Variants in P2RY6 observed in about 807,000 individuals in gnomAD.
The protein encoded by P2RY6 is P2Y purinoceptor 6.
P2RY6 carries 19 observed loss-of-function variants against 16.3 expected under a neutral mutation model. That is an observed-to-expected ratio of 1.16 (90% CI 0.81 to 1.71). The LOEUF (loss-of-function observed/expected upper bound fraction) is 1.71. Ranked by LOEUF, P2RY6 falls within the 40% of genes most tolerant of loss-of-function variation. P2RY6 has a pLI of 0.00. For synonymous variants in P2RY6, 184 were observed against 201.5 expected, an observed-to-expected ratio of 0.91 and a Z score of 0.74; for missense variants, 389 against 455.5, an observed-to-expected ratio of 0.85 and a Z score of 1.33.
In P2RY6 at chr11:73,297,027, T is replaced by C; in HGVS notation, c.509T>C (p.Ile170Thr). The C allele has an allele frequency of 1.2e-6, 2 of 1,600,796 alleles. No homozygotes were observed. The highest frequency in any genetic ancestry group is 3.3e-5 in the Admixed American group (2 of 60,030). The change falls in exon 3 of 3, where the codon ATC becomes ACC. Residue 170 changes from isoleucine to threonine, a missense_variant. Transcript: ENST00000540124. ...ACAGCCATCTTCGCTGCCACAGGCA[T>C]CCAGCGTAACCGCACTGTCTGCTAT... ...LPTAIFAATG[I>T]QRNRTVCYDL...
chr11:73,294,588 C>T (rs1421762299), intron 1 of P2RY6, among the ~76,000 whole-genome samples: 3 of 152,192 alleles, frequency 2.0e-5, no homozygotes, highest in Admixed American at 2.0e-4. Context: ...GGGCTAAAGT[C>T]CCACAAAGAA....
intron 2 of P2RY6, among the ~76,000 whole-genome samples, chr11:73,296,258 A>AT (rs1864477212): frequency 6.8e-6 from 1 of 146,304 alleles, no homozygotes; most frequent in Non-Finnish European, 1.5e-5. Context: ...ATATATATAT[A>AT]ATATATAAAC....
intron 1 of P2RY6, among the ~76,000 whole-genome samples, chr11:73,267,239 T>A (rs2135676417): frequency 6.6e-6 from 1 of 152,294 alleles, no homozygotes. Flanking sequence ...AGCAGAATCA[T>A]GTGAGAAGCC....
chr11:73,268,165 C>G (rs191954175), upstream of P2RY6, among the ~76,000 whole-genome samples: 1 of 152,334 alleles, frequency 6.6e-6, no homozygotes, highest in East Asian at 1.9e-4. Context: ...TGTGCATGCA[C>G]CAGTGCAGAA....
At chr11:73,279,641 T>C (rs1219259309) in intron 1 of P2RY6, among the ~76,000 whole-genome samples, 1 of 152,216 alleles carries the variant, frequency 6.6e-6, no homozygotes, top group African/African-American at 2.4e-5. Flanking sequence ...GAAGCACCAG[T>C]CTTCCATGGT....
intron 1 of P2RY6, among the ~76,000 whole-genome samples, chr11:73,288,035 C>A (rs535256538): frequency 2.0e-5 from 3 of 152,370 alleles, no homozygotes; most frequent in South Asian, 4.1e-4. Flanking sequence ...GTCTCTAACC[C>A]TCTTCATTCA....
chr11:73,285,294 G>A (rs926810571), intron 1 of P2RY6, among the ~76,000 whole-genome samples: 3 of 152,206 alleles, frequency 2.0e-5, no homozygotes, highest in Non-Finnish European at 2.9e-5. Context: ...GCCTGGTCTC[G>A]AACTTCTGGG....
chr11:73,295,559 TAAAC>T (rs1864437990), intron 1 of P2RY6, among the ~76,000 whole-genome samples, 167 bp from the exon 2 acceptor site: 1 of 152,184 alleles, frequency 6.6e-6, no homozygotes, highest in African/African-American at 2.4e-5. Context: ...TCCATCTCTG[TAAAC>T]AAACGGTTGA....
chr11:73,274,039 T>C (rs937455743), intron 1 of P2RY6, among the ~76,000 whole-genome samples: 1 of 152,218 alleles, frequency 6.6e-6, no homozygotes, highest in African/African-American at 2.4e-5. Flanking sequence ...GGTTTTGCTA[T>C]GTTGCCCAGG....
At chr11:73,291,074 G>A (rs929212690) in intron 1 of P2RY6, among the ~76,000 whole-genome samples, 2 of 152,232 alleles carry the variant, frequency 1.3e-5, no homozygotes, top group Non-Finnish European at 1.5e-5. Context: ...TGAGGAAGGG[G>A]CAGCTGGCCT....
intron 1 of P2RY6, among the ~76,000 whole-genome samples, chr11:73,284,828 A>G (rs1406965847): frequency 1.3e-5 from 2 of 152,238 alleles, no homozygotes; most frequent in Non-Finnish European, 2.9e-5. Context: ...CAGTGAAAAA[A>G]AAACACGAAA....
chr11:73,270,351 G>A (rs968245055), upstream of P2RY6, among the ~76,000 whole-genome samples: 34 of 152,050 alleles, frequency 2.2e-4, no homozygotes, highest in African/African-American at 8.2e-4. Flanking sequence ...AGAGCCTGGA[G>A]GGTGGGGCAG....
chr11:73,297,291 C>T lies in P2RY6; in HGVS notation c.773C>T (p.Thr258Ile). ...ATCAGCTTCCTGCCTTTTCACATCA[C>T]CAAGACAGCCTACCTGGCAGTGCGC... ...FAISFLPFHITKTAYLAVRST... is the reference protein window; with the variant it reads ...FAISFLPFHIIKTAYLAVRST... The change falls in exon 3 of 3, where the codon ACC becomes ATC. Residue 258 changes from threonine (T) to isoleucine (I), a missense_variant. By Grantham distance (89) the Thr-to-Ile change is moderately conservative (BLOSUM62 -1). Transcript: ENST00000540124. 1.2e-6 allele frequency: 2 copies of T among 1,609,438 alleles called. No individual in the cohort carries two copies. Among genetic ancestry groups the T allele is most frequent in the Non-Finnish European group, 1.7e-6 (2 of 1,179,144 alleles).
intron 1 of P2RY6, among the ~76,000 whole-genome samples, chr11:73,288,711 G>T (rs981512132): frequency 6.6e-6 from 1 of 152,180 alleles, no homozygotes; most frequent in Non-Finnish European, 1.5e-5. Context: ...GGCACAGAGG[G>T]TATAGTGACC....
chr11:73,288,851 G>C (rs945416499), intron 1 of P2RY6, among the ~76,000 whole-genome samples: 1 of 152,220 alleles, frequency 6.6e-6, no homozygotes, highest in Admixed American at 6.5e-5. Context: ...GGAAGGAAGC[G>C]AACTCTTGAC....
upstream of P2RY6, chr11:73,271,711 A>G (rs28513476): frequency 0.21 from 32,681 of 152,226 alleles, 5,026 homozygotes; most frequent in African/African-American, 0.44. Flanking sequence ...CCTTGGTTTC[A>G]GGTCTGGTTT....
Position 73,298,431 on chromosome 11 carries a change from T to C in P2RY6, c.*926T>C, listed in dbSNP as rs1038099231. The stretch of plus-strand genomic sequence containing the variant: ...AGAGTTAGCCAGATGCTCCAGGCAG[T>C]GGGAAGCCAATGGAGGGATTAAGCG... On this transcript the variant is annotated 3_prime_UTR_variant, in exon 3 of 3. Coordinates refer to ENST00000540124, the MANE Select transcript of P2RY6 (RefSeq NM_001277204.2). 2 of 167,044 alleles carry C rather than the reference T, an allele frequency of 1.2e-5. No individual in the cohort carries two copies. The highest frequency in any genetic ancestry group is 4.8e-5 in the African/African-American group (2 of 41,416). The allele number at this position is 167,044 out of a possible 1,614,324, so 10.3% of individuals were successfully genotyped here. A position where few individuals can be genotyped will look rare whatever the true frequency, so the allele number is the denominator to read the frequency against.
upstream of P2RY6, among the ~76,000 whole-genome samples, chr11:73,269,093 G>C (rs1211863339): frequency 6.6e-6 from 1 of 152,340 alleles, no homozygotes; most frequent in South Asian, 2.1e-4. Context: ...AGGGCCTCGG[G>C]GGTAGGACGT....
At chr11:73,290,416 T>C (rs1591690127) in intron 1 of P2RY6, among the ~76,000 whole-genome samples, 1 of 151,982 alleles carries the variant, frequency 6.6e-6, no homozygotes, top group African/African-American at 2.4e-5. Context: ...CTGGGCACAG[T>C]GGTGCATGCC....
Sources: gnomAD v4.1 joint callset for allele counts (sites outside exome capture counted in the v4.1 genomes callset) on GRCh38, gnomAD v4.1.1 for gene constraint, MANE v1.5 for transcripts, NCBI Gene and HGNC (gene_info 2026-07-23, HGNC 2026-07-21) for gene names.